The following CCAR2 variants were observed in gnomAD, a reference collection of about 807,000 sequenced individuals.
CCAR2 encodes the protein cell cycle and apoptosis regulator protein 2.
Under a neutral mutation model 108.1 loss-of-function variants are expected in CCAR2, and 21 were observed. The observed-to-expected ratio is 0.19, with a 90% CI of 0.14 to 0.28. The LOEUF is 0.28. Ranked by LOEUF, CCAR2 falls within the 10% of genes least tolerant of loss-of-function variation. The probability of loss-of-function intolerance (pLI) is 1.00; values close to 1 mark genes in which losing one functional copy is unlikely to be tolerated. For missense variants in CCAR2, 1,126 were observed against 1,177.0 expected, an observed-to-expected ratio of 0.96 and a Z score of 0.63; for synonymous variants, 577 against 472.8, an observed-to-expected ratio of 1.22 and a Z score of -2.86.
Position 22,607,982 on chromosome 8 carries a change from C to T in CCAR2, c.501C>T (p.Phe167=), listed in dbSNP as rs370838867. ...TCCTTTCTGCAGCTCTGAGTCTCTT[C>T]CAAACATCCCACACACTTCACCTGA... ...PLFPQKPLSL[F]QTSHTLHLSH... The change falls in exon 7 of 21, where the codon TTC becomes TTT. Residue 167 remains phenylalanine (F), a synonymous_variant. Coordinates refer to ENST00000308511, the MANE Select transcript of CCAR2 (RefSeq NM_001393997.1). 2 of 1,613,804 alleles carry T rather than the reference C, an allele frequency of 1.2e-6. No individual in the cohort carries two copies. Among genetic ancestry groups the T allele is most frequent in the Non-Finnish European group, 8.5e-7 (1 of 1,179,964 alleles).
chr8:22,609,012 C>T (rs1055875817), intron 7 of CCAR2, among the ~76,000 whole-genome samples: 1 of 150,832 alleles, frequency 6.6e-6, no homozygotes, highest in African/African-American at 2.4e-5. Context: ...ACAGTTTTGA[C>T]AAATGGGAAA....
intron 7 of CCAR2, among the ~76,000 whole-genome samples, chr8:22,609,289 A>G (rs1477785396): frequency 6.6e-6 from 1 of 152,154 alleles, no homozygotes; most frequent in Non-Finnish European, 1.5e-5. Context: ...TTGGGAGCCT[A>G]TCTCTACAAA....
chr8:22,619,812 A>T lies in CCAR2; in HGVS notation c.*130A>T. On this transcript the variant is annotated 3_prime_UTR_variant, in exon 21 of 21. Coordinates refer to ENST00000308511, the MANE Select transcript of CCAR2 (RefSeq NM_001393997.1). Reference sequence around the variant, plus strand: ...GGCAGGGGTGGCTGACCCCATGCTCAGCCTCTAGGGGACGGCAGGCCATCA... The same window carrying T: ...GGCAGGGGTGGCTGACCCCATGCTCTGCCTCTAGGGGACGGCAGGCCATCA... 1 of 962,222 alleles carries T rather than the reference A, an allele frequency of 1.0e-6. No homozygotes were observed. The highest frequency in any genetic ancestry group is 1.6e-6 in the Non-Finnish European group (1 of 629,944). The allele number at this position is 962,222 out of a possible 1,614,324, so 59.6% of individuals were successfully genotyped here.
Position 22,613,075 on chromosome 8 carries a change from A to C in CCAR2, c.643A>C (p.Lys215Gln). Residue 215 changes from lysine (K) to glutamine (Q), a missense_variant, in exon 8 of 21, where the codon AAG becomes CAG. Physicochemically the swap from Lys to Gln is moderately conservative, Grantham distance 53. This residue lies in a region of CCAR2 where 1,013 missense variants were observed against 993.9 expected (regional missense o/e 1.02). Coordinates refer to ENST00000308511, the MANE Select transcript of CCAR2 (RefSeq NM_001393997.1). ...GGCTGGTGGAGAGCCCTGGGGTGCT[A>C]AGAAGCCAAGGCATGACCTGCCTCC... ...QRAGGEPWGA[K>Q]KPRHDLPPYR... 1 of 1,613,050 alleles carries C rather than the reference A, an allele frequency of 6.2e-7. No homozygotes were observed. The highest frequency in any genetic ancestry group is 8.5e-7 in the Non-Finnish European group (1 of 1,179,728).
chr8:22,616,440 G>A, intron 14 of CCAR2, 192 bp downstream of exon 14: 1 of 605,286 alleles, frequency 1.7e-6, no homozygotes, highest in African/African-American at 1.9e-5. Flanking sequence ...AGGGAGCATG[G>A]CTGAGCAGCC....
chr8:22,607,930 T>C (rs778167644), intron 6 of CCAR2, 39 bp from the exon 7 acceptor site: 2 of 1,593,502 alleles, frequency 1.3e-6, no homozygotes, highest in East Asian at 4.5e-5. Flanking sequence ...CCGGCCGGTT[T>C]TTAGGGTTTT....
chr8:22,607,160 T>C, intron 5 of CCAR2, 36 bp from the exon 6 acceptor site: 1 of 1,612,406 alleles, frequency 6.2e-7, no homozygotes, highest in Non-Finnish European at 8.5e-7. Flanking sequence ...GCCTCAACCA[T>C]GGGGTCCCCT....
rs1199886350 is a variant in CCAR2, at chr8:22,615,430, G to A, written c.1211G>A (p.Arg404His). 9 of 1,613,222 alleles carry A rather than the reference G, an allele frequency of 5.6e-6. No homozygotes were observed. The highest frequency in any genetic ancestry group is 1.1e-5 in the South Asian group (1 of 91,058). ...IDLSGCTKWW[R>H]FAEFQYLQPG... ...CCTCCTTTTGCCATGTGCAGGTGGC[G>A]CTTTGCCGAGTTTCAGTACCTGCAG... Residue 404 changes from arginine (R) to histidine (H), a missense_variant, in exon 12 of 21, where the codon CGC becomes CAC. Coordinates refer to ENST00000308511, the MANE Select transcript of CCAR2 (RefSeq NM_001393997.1).
At chr8:22,606,283 C>T (rs1016265999) in intron 3 of CCAR2, 107 bp downstream of exon 3, 3 of 1,006,708 alleles carry the variant, frequency 3.0e-6, no homozygotes, top group Non-Finnish European at 4.6e-6. Context: ...CCTGATCCCT[C>T]TCCTGGTAGT....
chr8:22,618,311 C>CT (rs749106626), intron 16 of CCAR2, 38 bp from the exon 17 acceptor site: 5 of 1,613,638 alleles, frequency 3.1e-6, no homozygotes, highest in Admixed American at 1.7e-5. Context: ...ACTGAGGGAA[C>CT]TATTTGCAAA....
intron 1 of CCAR2, chr8:22,605,458 G>T (rs1352076342): frequency 2.0e-5 from 6 of 293,870 alleles, no homozygotes; most frequent in Non-Finnish European, 3.2e-5. Flanking sequence ...ATGTGGCCCC[G>T]GGCAAGTCTC....
chr8:22,607,741 C>T (rs1322180266), intron 6 of CCAR2, among the ~76,000 whole-genome samples: 2 of 152,156 alleles, frequency 1.3e-5, no homozygotes, highest in East Asian at 1.9e-4. Context: ...TCTCCTGCCT[C>T]AGCCTCCTGA....
rs770269202 is a variant in CCAR2, at chr8:22,615,445, A to G, written c.1226A>G (p.Gln409Arg). Reference protein sequence around the residue: ...CTKWWRFAEFQYLQPGPPRRL... With the variant: ...CTKWWRFAEFRYLQPGPPRRL... ...TGCAGGTGGCGCTTTGCCGAGTTTC[A>G]GTACCTGCAGCCGGGACCCCCCCGG... The change falls in exon 12 of 21, where the codon CAG becomes CGG. Residue 409 changes from glutamine (Q) to arginine (R), a missense_variant. This residue lies in a region of CCAR2 where 1,013 missense variants were observed against 993.9 expected (regional missense o/e 1.02). Coordinates refer to ENST00000308511, the MANE Select transcript of CCAR2 (RefSeq NM_001393997.1). 2.7e-5 allele frequency: 44 copies of G among 1,613,582 alleles called. 1 individual carries two copies. Among genetic ancestry groups the G allele is most frequent in the Non-Finnish European group, 2.6e-5 (31 of 1,179,934 alleles).
At chr8:22,613,282 C>A (rs1437164522) in intron 8 of CCAR2, 146 bp downstream of exon 8, 2 of 820,410 alleles carry the variant, frequency 2.4e-6, no homozygotes, top group Non-Finnish European at 3.3e-6. Context: ...GTTGTACATA[C>A]TGTTTGGTGG....
intron 1 of CCAR2, 83 bp from the exon 2 acceptor site, chr8:22,605,653 C>A: frequency 1.3e-6 from 1 of 787,232 alleles, no homozygotes; most frequent in African/African-American, 1.7e-5. Context: ...TCCGAAATAT[C>A]CTTACTTAAG....
intron 17 of CCAR2, 56 bp downstream of exon 17, chr8:22,618,551 C>G: frequency 1.2e-6 from 2 of 1,614,062 alleles, no homozygotes. Flanking sequence ...TACTCCTGCT[C>G]TAGGTTCCCG....
At chr8:22,616,391 AG>A in intron 14 of CCAR2, 143 bp downstream of exon 14, 1 of 735,918 alleles carries the variant, frequency 1.4e-6, no homozygotes, top group Non-Finnish European at 2.3e-6. Context: ...ACAGCTAGTA[AG>A]TAGCACACCT....
intron 2 of CCAR2, 105 bp from the exon 3 acceptor site, chr8:22,605,977 TGGA>T (rs1801062829): frequency 7.8e-7 from 1 of 1,275,276 alleles, no homozygotes; most frequent in Non-Finnish European, 1.1e-6. Context: ...TGAAGCTCTG[TGGA>T]GGAGCTGGCT....
chr8:22,608,161 A>G, intron 7 of CCAR2, 96 bp downstream of exon 7: 1 of 949,214 alleles, frequency 1.1e-6, no homozygotes. Context: ...AAGTGAACCC[A>G]GGTCAACTGC....
Sources: gnomAD v4.1 joint callset for allele counts (sites outside exome capture counted in the v4.1 genomes callset) on GRCh38, gnomAD v4.1.1 for gene constraint, gnomAD v4.1.1 regional missense constraint, MANE v1.5 for transcripts, NCBI Gene and HGNC (gene_info 2026-07-23, HGNC 2026-07-21) for gene names.